Variants in SYK observed in about 807,000 individuals in gnomAD.
SYK encodes tyrosine-protein kinase SYK.
A neutral mutation model predicts 77.8 loss-of-function variants in SYK; 16 were observed. The ratio of observed to expected loss-of-function variants is 0.21; its 90% CI spans 0.14 to 0.31. SYK has a LOEUF of 0.31. Ranked by LOEUF, SYK falls within the 10% of genes least tolerant of loss-of-function variation. The pLI, the probability that SYK is intolerant of heterozygous loss-of-function variation, is 1.00. For missense variants in SYK, 529 were observed against 814.4 expected (o/e 0.65, Z 4.26); for synonymous variants, 312 against 308.7 (o/e 1.01, Z -0.11).
intron 11 of SYK, among the ~76,000 whole-genome samples, chr9:90,879,599 C>T (rs572122664): frequency 6.6e-6 from 1 of 152,306 alleles, no homozygotes; most frequent in African/African-American, 2.4e-5. Context: ...TGTGTATGTC[C>T]ACTACATATG....
intron 1 of SYK, among the ~76,000 whole-genome samples, chr9:90,843,359 G>A (rs772706304): frequency 5.3e-5 from 8 of 152,186 alleles, no homozygotes; most frequent in African/African-American, 1.4e-4. Flanking sequence ...GCAGCGTCTC[G>A]CAGCTCAGGT....
intron 1 of SYK, among the ~76,000 whole-genome samples, chr9:90,832,898 C>T (rs1400488530): frequency 6.6e-6 from 1 of 152,136 alleles, no homozygotes; most frequent in African/African-American, 2.4e-5. Flanking sequence ...GGGTTGTAGT[C>T]AGGTGTGGGC....
Position 90,843,985 on chromosome 9 carries a change from G to A in SYK, c.87G>A (p.Leu29=), listed in dbSNP as rs2118629666. ...NITREEAEDY[L]VQGGMSDGLY... ...CCCGGGAGGAGGCAGAAGATTACCT[G>A]GTCCAGGGGGGCATGAGTGATGGGC... Residue 29 remains leucine (L), a synonymous_variant, in exon 2 of 14, where the codon CTG becomes CTA. Coordinates refer to ENST00000375754, the MANE Select transcript of SYK (RefSeq NM_003177.7). 6.2e-7 allele frequency: 1 copy of A among 1,606,588 alleles called. No individual in the cohort carries two copies. The highest frequency in any genetic ancestry group is 8.5e-7 in the Non-Finnish European group (1 of 1,175,956).
At chr9:90,823,638 T>C (rs1373454194) in intron 1 of SYK, among the ~76,000 whole-genome samples, 1 of 152,106 alleles carries the variant, frequency 6.6e-6, no homozygotes, top group South Asian at 2.1e-4. Flanking sequence ...ACAACAGACT[T>C]CTATATAACC....
At chr9:90,889,745 T>C (rs1262422397) in intron 13 of SYK, among the ~76,000 whole-genome samples, 1 of 152,232 alleles carries the variant, frequency 6.6e-6, no homozygotes, top group Non-Finnish European at 1.5e-5. Context: ...CAAGTGTTAG[T>C]GCAACAGGGA....
chr9:90,894,086 C>T (rs1464695608), intron 13 of SYK, among the ~76,000 whole-genome samples: 1 of 152,216 alleles, frequency 6.6e-6, no homozygotes, highest in African/African-American at 2.4e-5. Context: ...TTGTTTGCTC[C>T]TTGGCTGCTG....
At chr9:90,823,642 T>A (rs1260909271) in intron 1 of SYK, among the ~76,000 whole-genome samples, 1 of 152,174 alleles carries the variant, frequency 6.6e-6, no homozygotes, top group African/African-American at 2.4e-5. Context: ...CAGACTTCTA[T>A]ATAACCTATG....
At chr9:90,811,631 T>A (rs983233606) in intron 1 of SYK, among the ~76,000 whole-genome samples, 2 of 152,192 alleles carry the variant, frequency 1.3e-5, no homozygotes, top group South Asian at 2.1e-4. Flanking sequence ...AAAAAACTCA[T>A]GCTGGGTTGG....
intron 6 of SYK, among the ~76,000 whole-genome samples, chr9:90,866,319 A>G (rs534255144): frequency 1.3e-5 from 2 of 152,332 alleles, no homozygotes; most frequent in African/African-American, 4.8e-5. Context: ...TCCTGCCTCC[A>G]GTAGGGACAA....
At chr9:90,841,616 T>C (rs1475489914) in intron 1 of SYK, among the ~76,000 whole-genome samples, 5 of 150,880 alleles carry the variant, frequency 3.3e-5, no homozygotes, top group Non-Finnish European at 7.4e-5. Flanking sequence ...GTGTGTGTTT[T>C]GTGTGTGTAG....
chr9:90,835,113 A>C (rs545925830), intron 1 of SYK, among the ~76,000 whole-genome samples: 31 of 152,344 alleles, frequency 2.0e-4, no homozygotes, highest in African/African-American at 7.0e-4. Context: ...ATCCAGCCCA[A>C]ATGTCAAGAG....
At chr9:90,890,461 A>C (rs1447780302) in intron 13 of SYK, among the ~76,000 whole-genome samples, 2 of 152,228 alleles carry the variant, frequency 1.3e-5, no homozygotes, top group Admixed American at 6.5e-5. Flanking sequence ...TCCTTAAGAG[A>C]GTATTCTTTC....
chr9:90,826,154 G>A (rs1825659654), intron 1 of SYK, among the ~76,000 whole-genome samples: 1 of 152,184 alleles, frequency 6.6e-6, no homozygotes, highest in South Asian at 2.1e-4. Flanking sequence ...GACTATGAGG[G>A]CCTTTGCACT....
At chr9:90,802,601 T>C (rs1826771641) in intron 1 of SYK, among the ~76,000 whole-genome samples, 1 of 152,132 alleles carries the variant, frequency 6.6e-6, no homozygotes, top group African/African-American at 2.4e-5. Flanking sequence ...TTTTTGGCAA[T>C]GTGGCTCCAA....
At chr9:90,850,127 T>G (rs1174610644) in intron 3 of SYK, among the ~76,000 whole-genome samples, 1 of 152,234 alleles carries the variant, frequency 6.6e-6, no homozygotes, top group Non-Finnish European at 1.5e-5. Flanking sequence ...TGTGTTTATT[T>G]CCACTCTGTG....
chr9:90,851,421 T>G (rs10821513), intron 3 of SYK, among the ~76,000 whole-genome samples: 26,458 of 152,120 alleles, frequency 0.17, 2,602 homozygotes, highest in Admixed American at 0.26. Context: ...AGAGGCTCTT[T>G]GTGGAGGGGC....
At chr9:90,810,592 C>T (rs1825035346) in intron 1 of SYK, among the ~76,000 whole-genome samples, 1 of 150,942 alleles carries the variant, frequency 6.6e-6, no homozygotes, top group African/African-American at 2.4e-5. Flanking sequence ...CACCAGGGAG[C>T]TCTCCAGATA....
intron 1 of SYK, among the ~76,000 whole-genome samples, chr9:90,818,308 G>T (rs193212867): frequency 3.7e-4 from 56 of 152,286 alleles, no homozygotes; most frequent in African/African-American, 1.3e-3. Flanking sequence ...GAAACCAATG[G>T]TTAAAAATCA....
chr9:90,820,135 C>T (rs1245906153), intron 1 of SYK, among the ~76,000 whole-genome samples: 1 of 152,230 alleles, frequency 6.6e-6, no homozygotes, highest in Admixed American at 6.5e-5. Context: ...ATCCCTGTGG[C>T]TTTGCAGTGT....
Sources: gnomAD v4.1 joint callset for allele counts (sites outside exome capture counted in the v4.1 genomes callset) on GRCh38, gnomAD v4.1.1 for gene constraint, MANE v1.5 for transcripts, NCBI Gene and HGNC (gene_info 2026-07-23, HGNC 2026-07-21) for gene names.